MTF2: variants seen among roughly 807,000 people sequenced by gnomAD.
The protein encoded by MTF2 is metal-response element-binding transcription factor 2.
Under a neutral mutation model 79.5 loss-of-function variants are expected in MTF2, and 11 were observed. That is an observed-to-expected ratio of 0.14 (90% confidence interval 0.09 to 0.23). The LOEUF (loss-of-function observed/expected upper bound fraction) is 0.23, where lower values mean the gene tolerates loss of function less well. MTF2 is among the 10% of genes least tolerant of loss of function. The pLI is 1.00. For missense variants in MTF2, 486 were observed against 711.2 expected (o/e 0.68, Z 3.60); for synonymous variants, 208 against 232.8 (o/e 0.89, Z 0.97).
At chr1:93,094,231 C>G (rs939563372) in intron 1 of MTF2, among the ~76,000 whole-genome samples, 11 of 151,894 alleles carry the variant, frequency 7.2e-5, no homozygotes, top group African/African-American at 2.7e-4. Context: ...CTGATTGGTC[C>G]TCTAATTTTC....
At chr1:93,131,242 T>A (rs1425369770) in intron 11 of MTF2, among the ~76,000 whole-genome samples, 1 of 152,160 alleles carries the variant, frequency 6.6e-6, no homozygotes, top group East Asian at 1.9e-4. Flanking sequence ...AAGTTTGATG[T>A]CATGACAACC....
In MTF2 at chr1:93,079,500, A is replaced by G; in HGVS notation, c.-27A>G. 2 of 1,613,882 alleles carry G rather than the reference A, an allele frequency of 1.2e-6. No homozygotes were observed. Among genetic ancestry groups the G allele is most frequent in the Non-Finnish European group, 1.7e-6 (2 of 1,179,980 alleles). On this transcript the variant is annotated 5_prime_UTR_variant, in exon 1 of 15. Transcript: ENST00000370298. ...GGATTGGTTGTTTTTTCCTGTATGA[A>G]GCGGTTGGCACCACTGAAGTGACCG...
chr1:93,083,967 A>G (rs1654723859), intron 1 of MTF2, among the ~76,000 whole-genome samples: 1 of 152,196 alleles, frequency 6.6e-6, no homozygotes, highest in African/African-American at 2.4e-5. Flanking sequence ...TATGATTTGC[A>G]GACTTTTCTT....
chr1:93,135,120 G>A (rs904469624), intron 14 of MTF2, among the ~76,000 whole-genome samples: 4 of 151,954 alleles, frequency 2.6e-5, no homozygotes, highest in African/African-American at 4.8e-5. Context: ...ACAGGCGTGC[G>A]CCACCATGCC....
intron 7 of MTF2, among the ~76,000 whole-genome samples, chr1:93,118,888 A>G (rs1226797391): frequency 2.0e-5 from 3 of 152,280 alleles, no homozygotes; most frequent in Non-Finnish European, 4.4e-5. Flanking sequence ...TAAGTTTGAC[A>G]TCTGAAAACC....
chr1:93,100,593 C>T (rs1240825382), intron 1 of MTF2, among the ~76,000 whole-genome samples: 1 of 152,186 alleles, frequency 6.6e-6, no homozygotes, highest in Admixed American at 6.5e-5. Flanking sequence ...AGCCGTGAGC[C>T]ACCACCCCCA....
chr1:93,118,979 A>T (rs1242897378), intron 7 of MTF2, among the ~76,000 whole-genome samples: 1 of 152,200 alleles, frequency 6.6e-6, no homozygotes, highest in Non-Finnish European at 1.5e-5. Context: ...CGGGCTTATT[A>T]TGTTATTTTG....
intron 1 of MTF2, among the ~76,000 whole-genome samples, chr1:93,107,350 G>A (rs1329089166): frequency 6.6e-6 from 1 of 151,832 alleles, no homozygotes; most frequent in Non-Finnish European, 1.5e-5. Context: ...TCAGCCTCCC[G>A]AGTAGCTGGG....
intron 1 of MTF2, among the ~76,000 whole-genome samples, chr1:93,104,894 C>T (rs915055071): frequency 4.0e-5 from 6 of 150,702 alleles, no homozygotes; most frequent in Admixed American, 6.6e-5. Flanking sequence ...CGGTGGCTCA[C>T]GCCTGTAATC....
chr1:93,106,931 T>A (rs1409583466), intron 1 of MTF2, among the ~76,000 whole-genome samples: 1 of 152,246 alleles, frequency 6.6e-6, no homozygotes, highest in Non-Finnish European at 1.5e-5. Context: ...TCCTTGAGCA[T>A]CCCTGATGAT....
chr1:93,088,549 A>G (rs1377665705), intron 1 of MTF2, among the ~76,000 whole-genome samples: 3 of 152,246 alleles, frequency 2.0e-5, no homozygotes, highest in African/African-American at 7.2e-5. Context: ...TACTTGATAT[A>G]TTATATTTAA....
At chr1:93,081,529 A>G (rs1654607166) in intron 1 of MTF2, among the ~76,000 whole-genome samples, 1 of 152,188 alleles carries the variant, frequency 6.6e-6, no homozygotes, top group African/African-American at 2.4e-5. Context: ...ACTTCCATGA[A>G]CGATCTTTGA....
At chr1:93,132,686 T>C (rs1324905557) in intron 11 of MTF2, among the ~76,000 whole-genome samples, 3 of 152,202 alleles carry the variant, frequency 2.0e-5, no homozygotes, top group Admixed American at 6.5e-5. Flanking sequence ...CTTCCACCTT[T>C]ATTCCCTGAC....
intron 11 of MTF2, among the ~76,000 whole-genome samples, chr1:93,130,397 G>T (rs976762614): frequency 6.6e-6 from 1 of 152,122 alleles, no homozygotes; most frequent in Non-Finnish European, 1.5e-5. Flanking sequence ...TACCAATATG[G>T]TGAAGCCCAT....
Position 93,096,802 on chromosome 1 carries a change from CTTTTTCTTTTT to C in MTF2, c.6-13422_6-13412del, listed in dbSNP as rs1571222470. 1.2e-4 allele frequency among the ~76,000 whole-genome samples: 5 copies of C among 41,626 alleles called. No homozygotes were observed. The East Asian group carries it at 6.6e-3, about 55-fold the overall frequency. The allele number at this position is 41,626 out of a possible 152,430, so 27.3% of individuals were successfully genotyped here. ...TTAAAAGTGTATATTTTCTTTTTTT[CTTTTTCTTTTT>C]TTTTTTTTTTTTTTGGAGACAGGGT... On this transcript the variant is annotated intron_variant, in intron 1 of 14. Transcript: ENST00000370298.
At chr1:93,130,019 C>T (rs1032008071) in intron 11 of MTF2, among the ~76,000 whole-genome samples, 5 of 152,014 alleles carry the variant, frequency 3.3e-5, no homozygotes, top group African/African-American at 1.2e-4. Context: ...TAAATTAAGA[C>T]TTAAAGAATG....
chr1:93,118,782 G>A (rs898928255), intron 7 of MTF2, among the ~76,000 whole-genome samples: 5 of 152,182 alleles, frequency 3.3e-5, no homozygotes, highest in African/African-American at 4.8e-5. Flanking sequence ...CTATACTTTA[G>A]ATATGAAAAA....
chr1:93,080,764 CT>C (rs34251431), intron 1 of MTF2, among the ~76,000 whole-genome samples: 20,048 of 136,568 alleles, frequency 0.15, 1,243 homozygotes, highest in East Asian at 0.28. Flanking sequence ...TTGGGAATTC[CT>C]TTTTTTTTTT....
At chr1:93,111,841 A>G (rs897467516) in intron 3 of MTF2, among the ~76,000 whole-genome samples, 1 of 152,190 alleles carries the variant, frequency 6.6e-6, no homozygotes, top group Non-Finnish European at 1.5e-5. Context: ...TTTTGTAAAC[A>G]TAGGTCTCTC....
Sources: allele counts gnomAD v4.1 joint callset (sites outside exome capture counted in the v4.1 genomes callset), GRCh38; gene constraint gnomAD v4.1.1; transcripts MANE v1.5; gene names NCBI Gene and HGNC (gene_info 2026-07-23, HGNC 2026-07-21).